GPBP1: variants seen among roughly 807,000 people sequenced by gnomAD.
GPBP1 encodes the protein vasculin.
GPBP1 carries 13 observed loss-of-function variants against 56.5 expected under a neutral mutation model. That is an observed-to-expected ratio of 0.23 (90% CI 0.15 to 0.37). The LOEUF is 0.37. Ranked by LOEUF, GPBP1 falls within the 10% of genes least tolerant of loss-of-function variation. The pLI is 1.00. For synonymous variants in GPBP1, 204 were observed against 188.9 expected, an observed-to-expected ratio of 1.08 and a Z score of -0.66; for missense variants, 477 against 572.3, an observed-to-expected ratio of 0.83 and a Z score of 1.70.
chr5:57,187,363 TTACTATG>T (rs1754337169), intron 2 of GPBP1, among the ~76,000 whole-genome samples: 1 of 152,180 alleles, frequency 6.6e-6, no homozygotes, highest in Non-Finnish European at 1.5e-5. Context: ...ATCAACTTAT[TTACTATG>T]ATATATTATC....
chr5:57,262,430 A>G (rs1400023106), intron 11 of GPBP1, among the ~76,000 whole-genome samples, 164 bp from the exon 12 acceptor site: 1 of 152,208 alleles, frequency 6.6e-6, no homozygotes, highest in Non-Finnish European at 1.5e-5. Context: ...TGTGACAATT[A>G]TTACTCACAT....
chr5:57,209,611 T>A (rs2111740750), intron 2 of GPBP1, among the ~76,000 whole-genome samples: 1 of 146,664 alleles, frequency 6.8e-6, no homozygotes, highest in East Asian at 1.9e-4. Flanking sequence ...TTGAGGATGA[T>A]GTGCTGTGGT....
intron 2 of GPBP1, among the ~76,000 whole-genome samples, chr5:57,176,740 A>G (rs534946330): frequency 3.5e-4 from 54 of 152,314 alleles, no homozygotes; most frequent in Non-Finnish European, 7.4e-4. Flanking sequence ...AAATGCAACA[A>G]ATAATTCACC....
chr5:57,225,329 C>A (rs1475840581), intron 3 of GPBP1, among the ~76,000 whole-genome samples: 2 of 149,510 alleles, frequency 1.3e-5, no homozygotes, highest in East Asian at 2.3e-4. Flanking sequence ...CCCGTCTCTA[C>A]TAAAAATACA....
rs1741370036 is a variant in GPBP1, at chr5:57,251,200, TAG to T, written c.1160+62_1160+63del. Reference sequence around the variant, plus strand: ...TTCTGTATTCGAGATTTCAATATTATAGAGTTTTTACGTGATTTAACAGGTTT... The same window carrying T: ...TTCTGTATTCGAGATTTCAATATTATAGTTTTTACGTGATTTAACAGGTTT... On this transcript the variant is annotated intron_variant, in intron 10 of 11. Coordinates refer to ENST00000506184, the MANE Select transcript of GPBP1 (RefSeq NM_022913.4). 1.3e-5 allele frequency: 18 copies of T among 1,397,350 alleles called. No homozygotes were observed. In the South Asian group the frequency reaches 2.5e-4, roughly 19 times the overall value. The allele number at this position is 1,397,350 out of a possible 1,614,324, so 86.6% of individuals were successfully genotyped here.
intron 3 of GPBP1, among the ~76,000 whole-genome samples, chr5:57,225,934 A>T (rs1756169277): frequency 6.6e-6 from 1 of 152,270 alleles, no homozygotes; most frequent in Admixed American, 6.5e-5. Flanking sequence ...ATTAATAACA[A>T]TTCATATGCT....
intron 3 of GPBP1, among the ~76,000 whole-genome samples, chr5:57,223,349 A>G (rs1756035994): frequency 6.6e-6 from 1 of 152,058 alleles, no homozygotes; most frequent in African/African-American, 2.4e-5. Flanking sequence ...CAGCCTCCCA[A>G]AGTGCTGGGA....
At chr5:57,236,376 C>T (rs779639755) in intron 6 of GPBP1, among the ~76,000 whole-genome samples, 2 of 152,030 alleles carry the variant, frequency 1.3e-5, no homozygotes, top group Non-Finnish European at 2.9e-5. Context: ...TTTAGTTGTT[C>T]AAAGTTGAAA....
intron 6 of GPBP1, chr5:57,245,772 CATGA>C (rs1300790553): frequency 6.6e-6 from 1 of 152,164 alleles, no homozygotes; most frequent in African/African-American, 2.4e-5. Flanking sequence ...TCAATAAATA[CATGA>C]ATGAATTGAT....
intron 3 of GPBP1, among the ~76,000 whole-genome samples, chr5:57,220,190 A>G (rs966400853): frequency 2.0e-5 from 3 of 152,112 alleles, no homozygotes; most frequent in African/African-American, 7.2e-5. Flanking sequence ...GGGTCTCACT[A>G]TCTTGCCCAG....
rs180812532 is a variant in GPBP1 at position 57,206,661 on chromosome 5, A to G, written c.-57-7413A>G. Among the ~76,000 whole-genome samples, 307 of 152,268 alleles carry G rather than the reference A, an allele frequency of 2.0e-3. 2 individuals are homozygous for G. The highest frequency in any genetic ancestry group is 3.1e-3 in the Non-Finnish European group (214 of 68,004). ...AGTGCTGGAATTACAGGCGTGAGCT[A>G]CTGCACCCAGCTGAGTTTATTTTTG... On this transcript the variant is annotated intron_variant, in intron 2 of 11. Coordinates refer to ENST00000506184, the MANE Select transcript of GPBP1 (RefSeq NM_022913.4).
chr5:57,254,043 A>C (rs1231964777), intron 10 of GPBP1, among the ~76,000 whole-genome samples: 1 of 152,214 alleles, frequency 6.6e-6, no homozygotes, highest in African/African-American at 2.4e-5. Context: ...CTCCTGCCTC[A>C]GCCATTGGAA....
chr5:57,176,113 T>C lies in GPBP1; in HGVS notation c.-345T>C. 1 of 397,932 alleles carries C rather than the reference T, an allele frequency of 2.5e-6. No individual in the cohort carries two copies. The highest frequency in any genetic ancestry group is 4.4e-6 in the Non-Finnish European group (1 of 225,762). The allele number at this position is 397,932 out of a possible 1,614,324, so 24.7% of individuals were successfully genotyped here. A position where few individuals can be genotyped will look rare whatever the true frequency, so the allele number is the denominator to read the frequency against. ...TGCTTTTTGGCTCGTAAATTGGATA[T>C]TTCATCTGGAGTGGACAAGTACAAC... On this transcript the variant is annotated 5_prime_UTR_variant, in exon 2 of 12. Coordinates refer to ENST00000506184, the MANE Select transcript of GPBP1 (RefSeq NM_022913.4).
intron 8 of GPBP1, among the ~76,000 whole-genome samples, chr5:57,247,432 A>G (rs1442318925): frequency 6.6e-6 from 1 of 152,202 alleles, no homozygotes; most frequent in African/African-American, 2.4e-5. Flanking sequence ...GCTCATTCCT[A>G]TAATCCCAAC....
chr5:57,201,182 TTC>T (rs1264742087), intron 2 of GPBP1, among the ~76,000 whole-genome samples: 1 of 152,130 alleles, frequency 6.6e-6, no homozygotes, highest in East Asian at 1.9e-4. Context: ...TGTTAGGTAT[TTC>T]TCTCTTTTTT....
chr5:57,254,097 T>G (rs1010923702), intron 10 of GPBP1, among the ~76,000 whole-genome samples: 4 of 152,074 alleles, frequency 2.6e-5, no homozygotes, highest in African/African-American at 9.7e-5. Flanking sequence ...GGCTAACTTC[T>G]GTATTTTTTG....
At chr5:57,221,475 G>T in intron 3 of GPBP1, 1 of 879,036 alleles carries the variant, frequency 1.1e-6, no homozygotes, top group Non-Finnish European at 1.8e-6. Context: ...ATGCTAGGAA[G>T]GATGACAAAA....
chr5:57,174,285 A>AG (rs1008574101), intron 1 of GPBP1, 74 bp downstream of exon 1: 10 of 152,256 alleles, frequency 6.6e-5, no homozygotes, highest in African/African-American at 2.2e-4. Flanking sequence ...TTGGGGTTTG[A>AG]GGGGTCGGGA....
At chr5:57,240,596 T>A (rs1561365655) in intron 6 of GPBP1, among the ~76,000 whole-genome samples, 1 of 152,210 alleles carries the variant, frequency 6.6e-6, no homozygotes, top group Non-Finnish European at 1.5e-5. Flanking sequence ...GCTTATTGAT[T>A]ATTTAGATTT....
Sources: gnomAD v4.1 joint callset for allele counts (sites outside exome capture counted in the v4.1 genomes callset) on GRCh38, gnomAD v4.1.1 for gene constraint, MANE v1.5 for transcripts, NCBI Gene and HGNC (gene_info 2026-07-23, HGNC 2026-07-21) for gene names.